ARL10: variants seen among roughly 807,000 people sequenced by gnomAD.
ARL10 encodes ARF like GTPase 10, also known as ADP-ribosylation factor-like protein 10.
ARL10 carries 23 observed loss-of-function variants against 26.1 expected under a neutral mutation model. The observed-to-expected ratio is 0.88, with a 90% CI of 0.63 to 1.25. The LOEUF (loss-of-function observed/expected upper bound fraction) is 1.25. Among genes scored for constraint, ARL10 ranks in the 50% most tolerant of loss-of-function variants. The probability of loss-of-function intolerance (pLI) is 0.00; values close to 1 mark genes in which losing one functional copy is unlikely to be tolerated. For missense variants in ARL10, 300 were observed against 323.6 expected (o/e 0.93, Z 0.56); for synonymous variants, 138 against 149.1 (o/e 0.93, Z 0.54).
downstream of ARL10, among the ~76,000 whole-genome samples, chr5:176,383,276 G>A (rs900667477): frequency 2.0e-5 from 3 of 152,186 alleles, no homozygotes; most frequent in South Asian, 4.1e-4. Flanking sequence ...GCTGATAGGC[G>A]ATCCTGAGAA....
chr5:176,375,102 A>ATCCCTCCATCCG lies in ARL10; in HGVS notation c.*3210_*3211insCTCCATCCGTCC. 1 of 149,238 alleles carries ATCCCTCCATCCG rather than the reference A, an allele frequency of 6.7e-6. No homozygotes were observed. Among genetic ancestry groups the ATCCCTCCATCCG allele is most frequent in the African/African-American group, 2.5e-5 (1 of 40,568 alleles). The allele number at this position is 149,238 out of a possible 1,614,324, so 9.2% of individuals were successfully genotyped here. On this transcript the variant is annotated 3_prime_UTR_variant, in exon 4 of 4. Coordinates refer to ENST00000310389, the MANE Select transcript of ARL10 (RefSeq NM_173664.6). ...CATCCATCCATCCATCCATCCATCC[A>ATCCCTCCATCCG]TCCATCCCTCCATCCGTCCACCCGT... is the stretch of plus-strand genomic sequence containing the variant.
At chr5:176,411,912 T>C in the ARL10 span, among the ~76,000 whole-genome samples, 1,272 of 152,054 alleles carry the variant, frequency 8.4e-3, 9 homozygotes, top group African/African-American at 0.024. Context: ...CGTGGTGGCT[T>C]ATGCCTGTAA....
At chr5:176,389,233 G>A, downstream of ARL10, 1 of 1,411,844 alleles carries the variant, frequency 7.1e-7, no homozygotes, top group African/African-American at 1.4e-5. Flanking sequence ...CCTCCGCTGT[G>A]ATCCAGAGAT....
chr5:176,390,182 CAAAAAAAAAA>C (rs60632467), downstream of ARL10, among the ~76,000 whole-genome samples: 1 of 65,238 alleles, frequency 1.5e-5, no homozygotes, highest in Non-Finnish European at 3.0e-5. Flanking sequence ...AACTCCATCT[CAAAAAAAAAA>C]AAAAAAAAAA....
Position 176,371,903 on chromosome 5 carries a change from CT to C in ARL10, c.*9del, listed in dbSNP as rs749958252. 1.9e-5 allele frequency: 30 copies of C among 1,612,786 alleles called. No individual in the cohort carries two copies. The highest frequency in any genetic ancestry group is 2.5e-5 in the Non-Finnish European group (29 of 1,179,272). ...TTGGAGCTCCTCTCCTAGGCTGGAG[CT>C]CTCCTGCTTGCCACCTGCCTGTCAA... On this transcript the variant is annotated 3_prime_UTR_variant, in exon 4 of 4. Coordinates refer to ENST00000310389, the MANE Select transcript of ARL10 (RefSeq NM_173664.6).
At chr5:176,413,641 C>G in the ARL10 span, among the ~76,000 whole-genome samples, 4 of 152,378 alleles carry the variant, frequency 2.6e-5, no homozygotes, top group Admixed American at 2.0e-4. Flanking sequence ...GCTAAGCCAG[C>G]TTTTGCCCAG....
chr5:176,387,003 A>T (rs972967511), intron 1 of ARL10: 19 of 1,072,156 alleles, frequency 1.8e-5, no homozygotes, highest in Non-Finnish European at 2.6e-5. Context: ...AACCCATAAG[A>T]ATCCCTGCCC....
chr5:176,380,337 C>A lies in ARL10; in HGVS notation c.*8442C>A, dbSNP rs1376949121. The A allele has an allele frequency of 1.3e-5, 2 of 152,038 alleles. No individual in the cohort carries two copies. Among genetic ancestry groups the A allele is most frequent in the Non-Finnish European group, 2.9e-5 (2 of 68,034 alleles). The allele number at this position is 152,038 out of a possible 1,614,324, so 9.4% of individuals were successfully genotyped here. On this transcript the variant is annotated 3_prime_UTR_variant, in exon 4 of 4. Transcript: ENST00000310389. ...CGTTGTTTTTGTGGCGTTTTCGATC[C>A]TTTCTTTTCTAATGTGTCCCATAAA...
downstream of ARL10, chr5:176,388,982 G>A (rs747275852): frequency 6.2e-6 from 10 of 1,613,786 alleles, no homozygotes; most frequent in Non-Finnish European, 1.7e-6. Flanking sequence ...AGGTAAGTGG[G>A]TGCGGTAGGA....
At chr5:176,413,811 C>T in the ARL10 span, among the ~76,000 whole-genome samples, 1 of 152,250 alleles carries the variant, frequency 6.6e-6, no homozygotes, top group Non-Finnish European at 1.5e-5. Context: ...CTCAACACCT[C>T]CCTGCTCCCC....
At chr5:176,404,339 C>A (rs1007788092), downstream of ARL10, among the ~76,000 whole-genome samples, 1 of 152,270 alleles carries the variant, frequency 6.6e-6, no homozygotes, top group Non-Finnish European at 1.5e-5. Context: ...CCTCAGCTCG[C>A]CTAGGGGCTG....
At chr5:176,369,321 C>T (rs775478458) in intron 3 of ARL10, 21 of 817,918 alleles carry the variant, frequency 2.6e-5, no homozygotes, top group Non-Finnish European at 3.6e-5. Flanking sequence ...CAACCTCCAC[C>T]TCCCGGGTTC....
chr5:176,404,543 A>T (rs1356758074), downstream of ARL10, among the ~76,000 whole-genome samples: 6 of 151,960 alleles, frequency 3.9e-5, no homozygotes, highest in Non-Finnish European at 1.5e-5. Context: ...CTCCATCTAA[A>T]CCTCCGCTGC....
rs1755555841 is a variant in ARL10 at position 176,381,713 on chromosome 5, A to G, written c.*9818A>G. Reference sequence around the variant, plus strand: ...TGTTTACACATTAAGTTAGGTTATAATTCACTATGTACAGAGGCAGCTTTA... The same window carrying G: ...TGTTTACACATTAAGTTAGGTTATAGTTCACTATGTACAGAGGCAGCTTTA... On this transcript the variant is annotated 3_prime_UTR_variant, in exon 4 of 4. Coordinates refer to ENST00000310389, the MANE Select transcript of ARL10 (RefSeq NM_173664.6). 1 of 152,200 alleles carries G rather than the reference A, an allele frequency of 6.6e-6. No individual in the cohort carries two copies. Among genetic ancestry groups the G allele is most frequent in the Non-Finnish European group, 1.5e-5 (1 of 68,036 alleles). 9.4% of individuals were successfully genotyped at this position (152,200 alleles called of 1,614,324 possible). A position where few individuals can be genotyped will look rare whatever the true frequency, so the allele number is the denominator to read the frequency against.
the ARL10 span, among the ~76,000 whole-genome samples, chr5:176,412,076 T>C: frequency 4.1e-5 from 6 of 147,882 alleles, no homozygotes; most frequent in Non-Finnish European, 8.9e-5. Context: ...CTCGGGAGGC[T>C]GAGGCAGGAG....
chr5:176,386,755 C>A, downstream of ARL10: 2 of 1,206,644 alleles, frequency 1.7e-6, no homozygotes, highest in Non-Finnish European at 2.5e-6. Flanking sequence ...GTTTCTCCAT[C>A]TGCAAAATGA....
At chr5:176,388,256 CGCCCTGTTGGGGTCCACA>C (rs1756053280) in intron 1 of ARL10, 1 of 1,612,964 alleles carries the variant, frequency 6.2e-7, no homozygotes, top group Non-Finnish European at 8.5e-7. Context: ...GGAGGGGCAC[CGCCCTGTTGGGGTCCACA>C]GCCAACCCCA....
intron 1 of ARL10, 59 bp downstream of exon 1, chr5:176,365,805 T>G (rs1325091363): frequency 3.3e-6 from 4 of 1,229,840 alleles, no homozygotes; most frequent in Non-Finnish European, 4.1e-6. Context: ...ACTCCGCGCA[T>G]GTGGCCAAGG....
chr5:176,404,371 G>A (rs923567593), downstream of ARL10, among the ~76,000 whole-genome samples: 13 of 152,246 alleles, frequency 8.5e-5, no homozygotes, highest in Admixed American at 1.3e-4. Context: ...TGTGAGAAGC[G>A]TCCGGGGCTG....
Sources: gnomAD v4.1 joint callset for allele counts (sites outside exome capture counted in the v4.1 genomes callset) on GRCh38, gnomAD v4.1.1 for gene constraint, MANE v1.5 for transcripts, NCBI Gene and HGNC (gene_info 2026-07-23, HGNC 2026-07-21) for gene names.